Variants in NECAB1 observed in about 807,000 individuals in gnomAD.
The protein encoded by NECAB1 is N-terminal EF-hand calcium-binding protein 1.
NECAB1 carries 29 observed loss-of-function variants against 57.5 expected under a neutral mutation model. That is an observed-to-expected ratio of 0.50 (90% CI 0.38 to 0.69). The LOEUF (loss-of-function observed/expected upper bound fraction) is 0.69. Ranked by LOEUF, NECAB1 falls within the 30% of genes least tolerant of loss-of-function variation. The pLI, the probability that NECAB1 is intolerant of heterozygous loss-of-function variation, is 0.00. For synonymous variants in NECAB1, 142 were observed against 147.7 expected (o/e 0.96, Z 0.28); for missense variants, 372 against 413.8 (o/e 0.90, Z 0.88).
intron 5 of NECAB1, among the ~76,000 whole-genome samples, chr8:90,895,229 C>A (rs1260008473): frequency 6.6e-6 from 1 of 152,194 alleles, no homozygotes; most frequent in Non-Finnish European, 1.5e-5. Context: ...GAAAACAGAT[C>A]ATCTGCAGTG....
chr8:90,870,108 G>A (rs1044990804), intron 3 of NECAB1, among the ~76,000 whole-genome samples: 1 of 152,066 alleles, frequency 6.6e-6, no homozygotes, highest in Non-Finnish European at 1.5e-5. Context: ...CATGTAAGAG[G>A]TGTTCACTTC....
intron 4 of NECAB1, among the ~76,000 whole-genome samples, chr8:90,877,387 C>T (rs1808747460): frequency 6.6e-6 from 1 of 152,144 alleles, no homozygotes; most frequent in Non-Finnish European, 1.5e-5. Flanking sequence ...CTTTCCATGG[C>T]TTCCCATTGC....
intron 3 of NECAB1, among the ~76,000 whole-genome samples, chr8:90,834,215 A>G (rs1298608054): frequency 6.6e-6 from 1 of 150,446 alleles, no homozygotes; most frequent in Non-Finnish European, 1.5e-5. Flanking sequence ...AAATAAATGT[A>G]GATTACAAAT....
In NECAB1 at chr8:90,917,618, C is replaced by T. The variant is rs1187987170; in HGVS notation, c.484C>T (p.Arg162Cys). ...CAMETTEEQT[R>C]QERQGPAKPE... is the part of the protein sequence containing the mutation. ...CATGGAAACTACTGAGGAGCAAACC[C>T]GTCAAGAAAGGCAATTTACATGTTT... The change falls in exon 6 of 13, where the codon CGT becomes TGT. Residue 162 changes from arginine to cysteine, a missense_variant. Arg to Cys is a radical substitution (Grantham distance 180). Coordinates refer to ENST00000417640, the MANE Select transcript of NECAB1 (RefSeq NM_022351.5). 7.5e-6 allele frequency: 12 copies of T among 1,606,858 alleles called. No homozygotes were observed. Among genetic ancestry groups the T allele is most frequent in the East Asian group, 4.5e-5 (2 of 44,760 alleles).
chr8:90,896,608 AAAAAAC>A (rs377294530), intron 5 of NECAB1, among the ~76,000 whole-genome samples: 67 of 150,062 alleles, frequency 4.5e-4, no homozygotes, highest in African/African-American at 1.1e-3. Flanking sequence ...CCGTCTCAAA[AAAAAAC>A]AAAAACAAAA....
At chr8:90,834,079 AT>A (rs1489101704) in intron 3 of NECAB1, among the ~76,000 whole-genome samples, 1 of 140,854 alleles carries the variant, frequency 7.1e-6, no homozygotes, top group African/African-American at 2.6e-5. Flanking sequence ...ATGAGAATTG[AT>A]TGAACCCAGC....
chr8:90,847,633 G>A (rs1812593549), intron 3 of NECAB1, among the ~76,000 whole-genome samples: 1 of 152,230 alleles, frequency 6.6e-6, no homozygotes, highest in Non-Finnish European at 1.5e-5. Flanking sequence ...ACATCCAGGT[G>A]TTTTCTTACC....
At chr8:90,800,725 A>G (rs1211623870) in intron 1 of NECAB1, among the ~76,000 whole-genome samples, 1 of 152,186 alleles carries the variant, frequency 6.6e-6, no homozygotes, top group Non-Finnish European at 1.5e-5. Context: ...GTCAGCAGAA[A>G]GAAGAGTATG....
chr8:90,900,572 AG>A (rs1809477515), intron 5 of NECAB1, among the ~76,000 whole-genome samples: 1 of 152,212 alleles, frequency 6.6e-6, no homozygotes. Flanking sequence ...GGGTAGGAAA[AG>A]TATTATTCAG....
intron 5 of NECAB1, among the ~76,000 whole-genome samples, chr8:90,908,385 C>T (rs2740799): frequency 0.28 from 42,939 of 151,838 alleles, 6,849 homozygotes; most frequent in East Asian, 0.6. Flanking sequence ...TAGTTCTGTG[C>T]TCTTCATACT....
intron 12 of NECAB1, among the ~76,000 whole-genome samples, chr8:90,951,742 G>A (rs375985183): frequency 7.0e-6 from 1 of 143,052 alleles, no homozygotes; most frequent in African/African-American, 2.8e-5. Flanking sequence ...TCACAGAAAC[G>A]TTTGCAAAGA....
At chr8:90,946,105 A>G (rs1475903153) in intron 10 of NECAB1, among the ~76,000 whole-genome samples, 1 of 152,222 alleles carries the variant, frequency 6.6e-6, no homozygotes, top group Non-Finnish European at 1.5e-5. Context: ...ATTGTGTGTC[A>G]TTATCTATAT....
At chr8:90,842,843 T>C (rs1323810889) in intron 3 of NECAB1, among the ~76,000 whole-genome samples, 3 of 152,224 alleles carry the variant, frequency 2.0e-5, no homozygotes, top group Non-Finnish European at 1.5e-5. Flanking sequence ...GTAGTGCTAA[T>C]GGTACGTGAT....
chr8:90,808,795 G>A (rs1272238558), intron 2 of NECAB1, among the ~76,000 whole-genome samples: 1 of 151,842 alleles, frequency 6.6e-6, no homozygotes, highest in African/African-American at 2.4e-5. Flanking sequence ...ACAGGTGCGT[G>A]CCACCATGCC....
At chr8:90,889,621 C>T (rs1809103217) in intron 5 of NECAB1, among the ~76,000 whole-genome samples, 1 of 152,200 alleles carries the variant, frequency 6.6e-6, no homozygotes. Flanking sequence ...TTTGAGCTCA[C>T]TTACATGGCT....
rs142222559 is a variant in NECAB1 at position 90,821,737 on chromosome 8, C to T, written c.125-2980C>T. Among the ~76,000 whole-genome samples the T allele has an allele frequency of 8.1e-3, 1,223 of 151,416 alleles. 7 individuals are homozygous for T. The highest frequency in any genetic ancestry group is 0.014 in the Middle Eastern group (4 of 294). On this transcript the variant is annotated intron_variant, in intron 2 of 12. Coordinates refer to ENST00000417640, the MANE Select transcript of NECAB1 (RefSeq NM_022351.5). The stretch of plus-strand genomic sequence containing the variant: ...TCTCGTAGAATCCCCCTTATTATAT[C>T]GTACCATTTACTGTGTCATAATTAT...
intron 5 of NECAB1, among the ~76,000 whole-genome samples, chr8:90,890,522 CAATT>C (rs1378473196): frequency 6.6e-6 from 1 of 152,010 alleles, no homozygotes; most frequent in Non-Finnish European, 1.5e-5. Flanking sequence ...TAATGAGAAT[CAATT>C]ATGTTTTATC....
chr8:90,846,009 C>A (rs1812549618), intron 3 of NECAB1, among the ~76,000 whole-genome samples: 1 of 152,166 alleles, frequency 6.6e-6, no homozygotes, highest in African/African-American at 2.4e-5. Flanking sequence ...CCACCTGGTA[C>A]ATCTTAAATT....
At chr8:90,879,473 A>G (rs761119561) in intron 4 of NECAB1, among the ~76,000 whole-genome samples, 1 of 151,882 alleles carries the variant, frequency 6.6e-6, no homozygotes, top group African/African-American at 2.4e-5. Flanking sequence ...ATTTTTGTCT[A>G]TTTGCATTTA....
Sources: allele counts gnomAD v4.1 joint callset (sites outside exome capture counted in the v4.1 genomes callset), GRCh38; gene constraint gnomAD v4.1.1; transcripts MANE v1.5; gene names NCBI Gene and HGNC (gene_info 2026-07-23, HGNC 2026-07-21).